LYST: variants seen among roughly 807,000 people sequenced by gnomAD.
LYST encodes the protein lysosomal trafficking regulator, also known as lysosomal-trafficking regulator.
LYST carries 192 observed loss-of-function variants against 413.6 expected under a neutral mutation model. That is an observed-to-expected ratio of 0.46 (90% confidence interval 0.41 to 0.52). The LOEUF (loss-of-function observed/expected upper bound fraction) is 0.52. Ranked by LOEUF, LYST falls within the 20% of genes least tolerant of loss-of-function variation. The probability of loss-of-function intolerance (pLI) is 0.00; values close to 1 mark genes in which losing one functional copy is unlikely to be tolerated. For synonymous variants in LYST, 1,525 were observed against 1,567.3 expected, an observed-to-expected ratio of 0.97 and a Z score of 0.64; for missense variants, 3,815 against 4,499.9, an observed-to-expected ratio of 0.85 and a Z score of 4.35.
chr1:235,853,620 A>T (rs1186554556), intron 1 of LYST, among the ~76,000 whole-genome samples: 1 of 152,124 alleles, frequency 6.6e-6, no homozygotes, highest in Non-Finnish European at 1.5e-5. Context: ...AATAAACAAC[A>T]TTGCCTATTT....
Position 235,791,890 on chromosome 1 carries a change from C to G in LYST, c.4352G>C (p.Trp1451Ser). Residue 1451 changes from tryptophan (W) to serine (S), a missense_variant, in exon 12 of 53, where the codon TGG becomes TCG. Trp to Ser is a radical substitution (Grantham distance 177). Around this residue, in one of 4 missense-constraint regions of LYST, gnomAD observed 1,648 missense variants for 1,810.3 expected, o/e 0.91. Transcript: ENST00000389793. ...ESFPHRLLSSWHIAPVHLPLL... is the reference protein window; with the variant it reads ...ESFPHRLLSSSHIAPVHLPLL... ...CGGCAGGTGGACTGGGGCTATGTGC[C>G]AAGATGAAAGCAGCCGATGGGGAAA... 6.2e-7 allele frequency: 1 copy of G among 1,614,082 alleles called. No individual in the cohort carries two copies. The highest frequency in any genetic ancestry group is 8.5e-7 in the Non-Finnish European group (1 of 1,179,992).
At chr1:235,803,813 T>C (rs1572316705) in intron 7 of LYST, among the ~76,000 whole-genome samples, 1 of 152,078 alleles carries the variant, frequency 6.6e-6, no homozygotes, top group Admixed American at 6.6e-5. Context: ...TTATGGCAAA[T>C]AGTAACATAA....
At chr1:235,837,022 A>C (rs1676652283) in intron 1 of LYST, among the ~76,000 whole-genome samples, 1 of 152,200 alleles carries the variant, frequency 6.6e-6, no homozygotes, top group South Asian at 2.1e-4. Context: ...TGTTCACCGG[A>C]GCTTTCTGAG....
chr1:235,862,990 G>A (rs188588555), intron 1 of LYST, among the ~76,000 whole-genome samples: 190 of 152,212 alleles, frequency 1.2e-3, no homozygotes, highest in African/African-American at 4.4e-3. Context: ...TAAATTTGTT[G>A]TAATTTTGTC....
At chr1:235,839,077 G>T (rs1676902680) in intron 1 of LYST, among the ~76,000 whole-genome samples, 1 of 151,864 alleles carries the variant, frequency 6.6e-6, no homozygotes, top group South Asian at 2.1e-4. Flanking sequence ...CTCCCGCCTT[G>T]ACTTCCCAAA....
intron 44 of LYST, among the ~76,000 whole-genome samples, chr1:235,704,725 T>C (rs1044528776): frequency 1.3e-5 from 2 of 152,202 alleles, no homozygotes; most frequent in African/African-American, 4.8e-5. Flanking sequence ...TATTGATAGT[T>C]TTTTTTCCTG....
Position 235,809,379 on chromosome 1 carries a change from A to G in LYST, c.1439T>C (p.Met480Thr), listed in dbSNP as rs561118418. The change falls in exon 5 of 53, where the codon ATG (methionine) becomes ACG (threonine). Residue 480 changes from methionine (M) to threonine (T), a missense_variant. Met to Thr is a moderately conservative substitution (Grantham distance 81). This residue lies in a region of LYST where 1,648 missense variants were observed against 1,810.3 expected (regional missense o/e 0.91). Coordinates refer to ENST00000389793, the MANE Select transcript of LYST (RefSeq NM_000081.4). The surrounding 1 kb of genome is among the most constrained non-coding windows in gnomAD (Gnocchi z 4.0). Reference sequence around the variant, plus strand: ...TGATTTCACTTTTTTGACAGTGCTCATTATTTTCATCACACTATTTATTAG... The same window carrying G: ...TGATTTCACTTTTTTGACAGTGCTCGTTATTTTCATCACACTATTTATTAG... The part of the protein sequence containing the change: ...KALINSVMKI[M>T]STVKKVKSEQ... The G allele has an allele frequency of 6.2e-7, 1 of 1,613,970 alleles. No individual in the cohort carries two copies.
At chr1:235,746,301 A>G (rs1461713156) in intron 29 of LYST, 35 bp downstream of exon 29, 2 of 1,581,652 alleles carry the variant, frequency 1.3e-6, no homozygotes, top group Middle Eastern at 1.7e-4. Flanking sequence ...TCATTTTAAA[A>G]TCTGAGGAAA....
Position 235,724,119 on chromosome 1 carries a change from A to G in LYST, c.9224T>C (p.Val3075Ala), listed in dbSNP as rs1663634486. The G allele has an allele frequency of 1.2e-6, 2 of 1,613,458 alleles. No homozygotes were observed. The highest frequency in any genetic ancestry group is 1.7e-6 in the Non-Finnish European group (2 of 1,179,566). Residue 3075 changes from valine (V) to alanine (A), a missense_variant, in exon 39 of 53, where the codon GTT becomes GCT. Transcript: ENST00000389793. Reference sequence around the variant, plus strand: ...TCTCAATTGCCACCAACGCTTGTGAACTTCTTTAATTTCTTCATATGTCCA... The same window carrying G: ...TCTCAATTGCCACCAACGCTTGTGAGCTTCTTTAATTTCTTCATATGTCCA... ...FSWTYEEIKE[V>A]HKRWWQLRDN...
At chr1:235,791,535 C>A in intron 12 of LYST, 164 bp downstream of exon 12, 1 of 667,810 alleles carries the variant, frequency 1.5e-6, no homozygotes, top group South Asian at 1.7e-5. Flanking sequence ...GGCTTTATGA[C>A]AACTCATGCT....
At chr1:235,881,579 T>C (rs1681378113) in intron 1 of LYST, among the ~76,000 whole-genome samples, 1 of 152,178 alleles carries the variant, frequency 6.6e-6, no homozygotes, top group African/African-American at 2.4e-5. Context: ...CAAGTGTCCA[T>C]TGATAGATGA....
At position 235,806,411 on chromosome 1, in the gene LYST, C is replaced by A. The variant is rs146335682; in HGVS notation, c.2725G>T (p.Val909Leu). Residue 909 changes from valine (V) to leucine (L), a missense_variant, in exon 6 of 53, where the codon GTA becomes TTA. This residue lies in a region of LYST where 1,648 missense variants were observed against 1,810.3 expected (regional missense o/e 0.91). Transcript: ENST00000389793. ...NLFLCVAFLC[V>L]SKEAESDRES... ...CTGTCAGACTCTGCTTCTTTACTTA[C>A]GCATAAAAAAGCCACACAGAGGAAT... 6.2e-7 allele frequency: 1 copy of A among 1,613,944 alleles called. No homozygotes were observed. Among genetic ancestry groups the A allele is most frequent in the Non-Finnish European group, 8.5e-7 (1 of 1,179,952 alleles).
intron 50 of LYST, among the ~76,000 whole-genome samples, chr1:235,673,401 C>G (rs1035018166): frequency 6.6e-6 from 1 of 152,148 alleles, no homozygotes; most frequent in Non-Finnish European, 1.5e-5. Context: ...AAGCCACTAC[C>G]GCCCCCTTAT....
chr1:235,832,832 G>T (rs1218133633), intron 2 of LYST, among the ~76,000 whole-genome samples: 2 of 151,926 alleles, frequency 1.3e-5, no homozygotes, highest in Non-Finnish European at 1.5e-5. Flanking sequence ...TTTCTTGTTA[G>T]GTTTACTCCA....
rs547203126 is a variant in LYST, at chr1:235,723,658, C to T, written c.9315+370G>A. 2.6e-5 allele frequency among the ~76,000 whole-genome samples: 4 copies of T among 152,288 alleles called. No individual in the cohort carries two copies. In the South Asian group the frequency reaches 8.3e-4, roughly 32 times the overall value. On this transcript the variant is annotated intron_variant, in intron 39 of 52. Transcript: ENST00000389793. ...CTGACGAGAGTGGTGAGAAGTCTGT[C>T]TGAAGCATTTCAAAAGAAAACTGGA...
chr1:235,800,225 C>T, intron 10 of LYST, 95 bp downstream of exon 10: 4 of 844,466 alleles, frequency 4.7e-6, no homozygotes, highest in South Asian at 1.4e-5. Context: ...GCTAAGATCA[C>T]AGGCATGAGC....
At chr1:235,865,109 C>A (rs1359027528) in intron 1 of LYST, among the ~76,000 whole-genome samples, 1 of 152,194 alleles carries the variant, frequency 6.6e-6, no homozygotes, top group East Asian at 1.9e-4. Context: ...GCCAAATCAG[C>A]CTCTCTGCTG....
intron 30 of LYST, among the ~76,000 whole-genome samples, chr1:235,743,642 A>G (rs955489524): frequency 6.6e-6 from 1 of 152,208 alleles, no homozygotes; most frequent in Non-Finnish European, 1.5e-5. Context: ...AGCCATAAAT[A>G]CAGTCCTTTA....
intron 1 of LYST, among the ~76,000 whole-genome samples, chr1:235,847,788 G>A (rs1353196049): frequency 1.3e-5 from 2 of 152,168 alleles, no homozygotes; most frequent in Non-Finnish European, 2.9e-5. Flanking sequence ...AGTTAAAAGA[G>A]ACAAAGAGGG....
Sources: gnomAD v4.1 joint callset for allele counts (sites outside exome capture counted in the v4.1 genomes callset) on GRCh38, gnomAD v4.1.1 for gene constraint, gnomAD v4.1.1 regional missense constraint, Gnocchi (gnomAD v3.1) non-coding constraint, MANE v1.5 for transcripts, NCBI Gene and HGNC (gene_info 2026-07-23, HGNC 2026-07-21) for gene names.